Variants in ZNF678 observed in about 807,000 individuals in gnomAD.
ZNF678 encodes zinc finger protein 678.
ZNF678 carries 5 observed loss-of-function variants against 3.0 expected under a neutral mutation model. That is an observed-to-expected ratio of 1.69 (90% CI 0.88 to 3.56). The LOEUF (loss-of-function observed/expected upper bound fraction) is 3.56, where lower values mean the gene tolerates loss of function less well. Among genes scored for constraint, ZNF678 ranks in the 30% most tolerant of loss-of-function variants. The pLI, the probability that ZNF678 is intolerant of heterozygous loss-of-function variation, is 0.00. For synonymous variants in ZNF678, 218 were observed against 199.6 expected (o/e 1.09, Z -0.78); for missense variants, 593 against 605.0 (o/e 0.98, Z 0.21).
At chr1:227,648,228 C>A (rs1659003903) in intron 2 of ZNF678, among the ~76,000 whole-genome samples, 1 of 152,146 alleles carries the variant, frequency 6.6e-6, no homozygotes. Context: ...GTATATTAAA[C>A]TCCCACCTTT....
intron 1 of ZNF678, among the ~76,000 whole-genome samples, chr1:227,597,107 T>C (rs1657611971): frequency 6.6e-6 from 1 of 152,220 alleles, no homozygotes; most frequent in African/African-American, 2.4e-5. Context: ...ATTACTGGTG[T>C]CAGTGATAAG....
intron 1 of ZNF678, among the ~76,000 whole-genome samples, chr1:227,571,674 T>C (rs1355536119): frequency 2.0e-5 from 3 of 152,242 alleles, no homozygotes; most frequent in Admixed American, 6.5e-5. Context: ...TTTGTAGCTT[T>C]ATTGCTGCTT....
At chr1:227,665,316 G>A (rs901504003), downstream of ZNF678, among the ~76,000 whole-genome samples, 1 of 152,178 alleles carries the variant, frequency 6.6e-6, no homozygotes, top group African/African-American at 2.4e-5. Flanking sequence ...ACACATTCCA[G>A]TGACTTTCCA....
At position 227,622,207 on chromosome 1, in the gene ZNF678, T is replaced by C. The variant is rs1415450848; in HGVS notation, c.-163-24337T>C. On this transcript the variant is annotated intron_variant, in intron 1 of 3. Transcript: ENST00000343776. Reference sequence around the variant, plus strand: ...GACTTCATCAACATAACAAGAACTTTGGTGTCCACAACTTGCCTTGTCTTA... The same window carrying C: ...GACTTCATCAACATAACAAGAACTTCGGTGTCCACAACTTGCCTTGTCTTA... 2.0e-5 allele frequency among the ~76,000 whole-genome samples: 3 copies of C among 152,232 alleles called. 1 individual carries two copies. The highest frequency in any genetic ancestry group is 4.8e-5 in the African/African-American group (2 of 41,458).
At chr1:227,594,938 G>A (rs948098127) in intron 1 of ZNF678, among the ~76,000 whole-genome samples, 10 of 151,942 alleles carry the variant, frequency 6.6e-5, no homozygotes, top group Admixed American at 1.3e-4. Flanking sequence ...TTTTCTGTTA[G>A]CAAAGCAGTT....
At chr1:227,664,725 T>TA (rs1415610999), downstream of ZNF678, among the ~76,000 whole-genome samples, 1 of 152,154 alleles carries the variant, frequency 6.6e-6, no homozygotes, top group Non-Finnish European at 1.5e-5. Context: ...GGTGCCTGGT[T>TA]ACCAGGGTTC....
chr1:227,602,438 AT>A (rs1367129093), intron 1 of ZNF678, among the ~76,000 whole-genome samples: 2 of 152,046 alleles, frequency 1.3e-5, no homozygotes, highest in South Asian at 2.1e-4. Flanking sequence ...ATATTTCACA[AT>A]TTTTTTTGGA....
intron 1 of ZNF678, among the ~76,000 whole-genome samples, chr1:227,570,350 AG>A (rs1656806218): frequency 6.6e-6 from 1 of 152,224 alleles, no homozygotes; most frequent in African/African-American, 2.4e-5. Context: ...TGTACATTGT[AG>A]GCTTGCCTTT....
At chr1:227,664,247 G>C (rs528014622), downstream of ZNF678, among the ~76,000 whole-genome samples, 1 of 152,164 alleles carries the variant, frequency 6.6e-6, no homozygotes, top group African/African-American at 2.4e-5. Flanking sequence ...GAGGAAACCA[G>C]ATCACGGTTT....
intron 1 of ZNF678, among the ~76,000 whole-genome samples, chr1:227,578,652 G>C (rs573314278): frequency 1.3e-5 from 2 of 152,224 alleles, no homozygotes; most frequent in African/African-American, 4.8e-5. Flanking sequence ...GTTTTGTCAT[G>C]ATTTTTAGCT....
At chr1:227,648,408 G>A (rs1659009807) in intron 2 of ZNF678, among the ~76,000 whole-genome samples, 1 of 152,128 alleles carries the variant, frequency 6.6e-6, no homozygotes, top group African/African-American at 2.4e-5. Flanking sequence ...TGTACACATT[G>A]TACTATAATT....
At chr1:227,564,619 A>C (rs1271728880) in intron 1 of ZNF678, among the ~76,000 whole-genome samples, 5 of 152,230 alleles carry the variant, frequency 3.3e-5, no homozygotes, top group African/African-American at 1.2e-4. Context: ...TTCAGTTCAC[A>C]ACACTGTCAG....
At chr1:227,665,848 A>G (rs1459092028), downstream of ZNF678, among the ~76,000 whole-genome samples, 1 of 151,992 alleles carries the variant, frequency 6.6e-6, no homozygotes, top group Non-Finnish European at 1.5e-5. Flanking sequence ...CCTCTAGGCA[A>G]CTGCTCTCTC....
At chr1:227,678,882 G>C (rs1659724183), downstream of ZNF678, among the ~76,000 whole-genome samples, 1 of 152,100 alleles carries the variant, frequency 6.6e-6, no homozygotes, top group Non-Finnish European at 1.5e-5. Context: ...AATGGAAAAT[G>C]GAAAAAATGG....
intron 1 of ZNF678, among the ~76,000 whole-genome samples, chr1:227,617,929 A>G (rs1658181478): frequency 6.6e-6 from 1 of 152,094 alleles, no homozygotes; most frequent in Non-Finnish European, 1.5e-5. Context: ...GTCTTTAGCT[A>G]ATGGAGTCAT....
At chr1:227,586,736 G>C (rs533452434) in intron 1 of ZNF678, among the ~76,000 whole-genome samples, 1 of 152,240 alleles carries the variant, frequency 6.6e-6, no homozygotes, top group East Asian at 1.9e-4. Context: ...TTTCTTCCTT[G>C]GCATGTGAGA....
chr1:227,620,772 C>T (rs920537219), intron 1 of ZNF678, among the ~76,000 whole-genome samples: 2 of 152,152 alleles, frequency 1.3e-5, no homozygotes, highest in Admixed American at 6.5e-5. Context: ...TGAGTAATAG[C>T]GTACAGTGTG....
At chr1:227,652,909 G>GA (rs1181197870) in intron 3 of ZNF678, among the ~76,000 whole-genome samples, 1 of 151,938 alleles carries the variant, frequency 6.6e-6, no homozygotes, top group African/African-American at 2.4e-5. Context: ...ATTTTCAATG[G>GA]GCTGGAGTCC....
intron 1 of ZNF678, among the ~76,000 whole-genome samples, chr1:227,634,292 A>G (rs1055482019): frequency 6.6e-6 from 1 of 152,166 alleles, no homozygotes; most frequent in Non-Finnish European, 1.5e-5. Flanking sequence ...GACTCAGCAC[A>G]TTCCCAGGTG....
Sources: allele counts gnomAD v4.1 joint callset (sites outside exome capture counted in the v4.1 genomes callset), GRCh38; gene constraint gnomAD v4.1.1; transcripts MANE v1.5; gene names NCBI Gene and HGNC (gene_info 2026-07-23, HGNC 2026-07-21).